Variants in MAGT1 observed in about 807,000 individuals in gnomAD.
MAGT1 encodes dolichyl-diphosphooligosaccharide--protein glycosyltransferase subunit MAGT1.
Under a neutral mutation model 28.4 loss-of-function variants are expected in MAGT1, and 4 were observed. The observed-to-expected ratio is 0.14, with a 90% CI of 0.07 to 0.32. MAGT1 has a LOEUF of 0.32. MAGT1 is among the 10% of genes least tolerant of loss of function. MAGT1 has a pLI of 1.00. For synonymous variants in MAGT1, 89 were observed against 89.7 expected (o/e 0.99, Z 0.04); for missense variants, 193 against 264.5 (o/e 0.73, Z 1.88).
Position 77,841,261 on chromosome X carries a change from T to C in MAGT1, c.886A>G (p.Ile296Val). ...GGTGACTTACTCTTTCGCTTTCCAATATCCATGTCAGAGGTAGCAGCTTCA... is the reference window on the plus strand; with the variant it reads ...GGTGACTTACTCTTTCGCTTTCCAACATCCATGTCAGAGGTAGCAGCTTCA... ...LCEAATSDMDIGKRKIMCVAG... is the reference protein window; with the variant it reads ...LCEAATSDMDVGKRKIMCVAG... Residue 296 changes from isoleucine to valine, a missense_variant, in exon 8 of 10, where the codon ATT becomes GTT. By Grantham distance (29) the Ile-to-Val change is conservative (BLOSUM62 3). Coordinates refer to ENST00000618282, the MANE Select transcript of MAGT1 (RefSeq NM_001367916.1). 1 of 1,204,064 alleles carries C rather than the reference T, an allele frequency of 8.3e-7. No homozygotes were observed. Among genetic ancestry groups the C allele is most frequent in the Non-Finnish European group, 1.1e-6 (1 of 888,685 alleles).
intron 8 of MAGT1, among the ~76,000 whole-genome samples, chrX:77,836,076 T>G (rs979720594): frequency 9.0e-6 from 1 of 111,360 alleles, no homozygotes; most frequent in Admixed American, 9.7e-5. Context: ...AGTGCTGGGA[T>G]TACAGGAGTG....
At chrX:77,891,315 C>CTATCT (rs1557219466) in intron 1 of MAGT1, among the ~76,000 whole-genome samples, 3 of 90,435 alleles carry the variant, frequency 3.3e-5, no homozygotes, top group Non-Finnish European at 4.3e-5. Context: ...TCAGTTCCCT[C>CTATCT]ATCTATCTAT....
intron 8 of MAGT1, among the ~76,000 whole-genome samples, chrX:77,831,844 C>T (rs1315787437): frequency 9.0e-6 from 1 of 111,235 alleles, no homozygotes; most frequent in Non-Finnish European, 1.9e-5. Context: ...TCTTCCGCTT[C>T]AGCCTCCCAA....
intron 1 of MAGT1, among the ~76,000 whole-genome samples, chrX:77,878,469 T>C (rs1330536985): frequency 2.1e-5 from 1 of 48,173 alleles, no homozygotes; most frequent in Non-Finnish European, 4.4e-5. Context: ...TAAGACTCTG[T>C]CTCCAAAAAA....
intron 1 of MAGT1, among the ~76,000 whole-genome samples, chrX:77,879,731 T>C (rs1201184232): frequency 1.8e-5 from 2 of 110,348 alleles, no homozygotes; most frequent in South Asian, 3.8e-4. Context: ...TACATTAACA[T>C]GTAAGAAAGA....
At position 77,842,503 on chromosome X, in the gene MAGT1, C is replaced by A. The variant is rs1391837574; in HGVS notation, c.827-1183G>T. On this transcript the variant is annotated intron_variant, in intron 7 of 9. Coordinates refer to ENST00000618282, the MANE Select transcript of MAGT1 (RefSeq NM_001367916.1). ...CCTTTAAAGCACAAATTACTACTAA[C>A]CTATCTAATTTTATCCTATTCTAAT... Among the ~76,000 whole-genome samples the A allele has an allele frequency of 7.2e-5, 8 of 111,884 alleles. No homozygotes were observed. The East Asian group carries it at 2.2e-3, about 31-fold the overall frequency.
chrX:77,835,416 G>C (rs1329806559), intron 8 of MAGT1, among the ~76,000 whole-genome samples: 2 of 111,424 alleles, frequency 1.8e-5, no homozygotes, highest in Non-Finnish European at 3.8e-5. Flanking sequence ...ATATCCAAAA[G>C]ACAAGCAATA....
chrX:77,852,646 C>T (rs1438387891), intron 7 of MAGT1, among the ~76,000 whole-genome samples: 1 of 110,942 alleles, frequency 9.0e-6, no homozygotes, highest in African/African-American at 3.3e-5. Flanking sequence ...GGCTGGAGTG[C>T]AGTGGTGTGA....
chrX:77,867,290 C>G lies in MAGT1; in HGVS notation c.390+3518G>C, dbSNP rs926599241. Among the ~76,000 whole-genome samples, 5 of 66,397 alleles carry G rather than the reference C, an allele frequency of 7.5e-5. 1 individual carries two copies. The highest frequency in any genetic ancestry group is 1.7e-4 in the African/African-American group (5 of 28,591). 57.7% of individuals were successfully genotyped at this position (66,397 alleles called of 115,157 possible). On this transcript the variant is annotated intron_variant, in intron 3 of 9. Transcript: ENST00000618282. ...TGTGGGTTCCCAGAGCTTGGTGTTC[C>G]TCTCCCATAATGCAGCCCATTGGCC...
rs34302237 is a variant in MAGT1, at chrX:77,841,195, CTT to C, written c.901+49_901+50del. 58 of 937,448 alleles carry C rather than the reference CTT, an allele frequency of 6.2e-5. No individual in the cohort carries two copies. In the South Asian group the frequency reaches 7.6e-4, roughly 12 times the overall value. The allele number at this position is 937,448 out of a possible 1,213,427, so 77.3% of individuals were successfully genotyped here. A position where few individuals can be genotyped will look rare whatever the true frequency, so the allele number is the denominator to read the frequency against. Reference sequence around the variant, plus strand: ...GAGGAAAAGTGATTAAGAGATCACTCTTTTTCCATAGTACAGGCAGCACTGTT... The same window carrying C: ...GAGGAAAAGTGATTAAGAGATCACTCTTTCCATAGTACAGGCAGCACTGTT... On this transcript the variant is annotated intron_variant, in intron 8 of 9. Transcript: ENST00000618282.
chrX:77,847,189 G>A (rs1189815401), intron 7 of MAGT1, among the ~76,000 whole-genome samples: 1 of 112,490 alleles, frequency 8.9e-6, no homozygotes, highest in Non-Finnish European at 1.9e-5. Context: ...AGACTGCTGT[G>A]CTAGCAATGA....
chrX:77,829,605 T>C (rs1383184511), intron 9 of MAGT1, among the ~76,000 whole-genome samples: 2 of 111,212 alleles, frequency 1.8e-5, no homozygotes, highest in African/African-American at 6.5e-5. Flanking sequence ...GACACTGCTA[T>C]TGAATCAACT....
In MAGT1 at chrX:77,830,907, TA is replaced by T; in HGVS notation, c.902-13del. On this transcript the variant is annotated splice_polypyrimidine_tract_variant and intron_variant, in intron 8 of 9. Transcript: ENST00000618282. ...AGCCACACACATTACTGCAGAAAAATAAAAGGAGAGTAAAATGAGCAGGTTG... is the reference window on the plus strand; with the variant it reads ...AGCCACACACATTACTGCAGAAAAATAAAGGAGAGTAAAATGAGCAGGTTG... The T allele has an allele frequency of 9.8e-7, 1 of 1,021,989 alleles. No individual in the cohort carries two copies. The highest frequency in any genetic ancestry group is 2.5e-5 in the South Asian group (1 of 40,202). The allele number at this position is 1,021,989 out of a possible 1,213,427, so 84.2% of individuals were successfully genotyped here. A position where few individuals can be genotyped will look rare whatever the true frequency, so the allele number is the denominator to read the frequency against.
intron 8 of MAGT1, among the ~76,000 whole-genome samples, chrX:77,835,509 C>G (rs1025398856): frequency 9.0e-6 from 1 of 111,405 alleles, no homozygotes; most frequent in Admixed American, 9.6e-5. Context: ...TTAGTATAAC[C>G]ACTAAGAAGA....
At chrX:77,847,254 G>C (rs189114492) in intron 7 of MAGT1, among the ~76,000 whole-genome samples, 1 of 112,683 alleles carries the variant, frequency 8.9e-6, no homozygotes, top group African/African-American at 3.2e-5. Context: ...ATAATCTCCT[G>C]GTGTGCTGTT....
At chrX:77,877,871 A>G (rs2077040184) in intron 1 of MAGT1, among the ~76,000 whole-genome samples, 1 of 103,118 alleles carries the variant, frequency 9.7e-6, no homozygotes, top group African/African-American at 3.4e-5. Context: ...ATAAAATAAA[A>G]TATACTGACA....
chrX:77,835,176 G>A (rs1463525913), intron 8 of MAGT1, among the ~76,000 whole-genome samples: 1 of 109,179 alleles, frequency 9.2e-6, no homozygotes, highest in Non-Finnish European at 1.9e-5. Context: ...TAGCCAGGAT[G>A]GTCTCGATCT....
chrX:77,843,154 G>T (rs2076940595), intron 7 of MAGT1, among the ~76,000 whole-genome samples: 1 of 112,370 alleles, frequency 8.9e-6, no homozygotes, highest in Admixed American at 9.5e-5. Context: ...GTGCCCTTTA[G>T]ATGAGGCCTG....
intron 2 of MAGT1, among the ~76,000 whole-genome samples, chrX:77,873,990 T>G (rs1331631381): frequency 9.2e-6 from 1 of 109,002 alleles, no homozygotes; most frequent in Non-Finnish European, 1.9e-5. Context: ...ATCTTTTTTT[T>G]TTGTTTGTTT....
Sources: gnomAD v4.1 joint callset for allele counts (sites outside exome capture counted in the v4.1 genomes callset) on GRCh38, gnomAD v4.1.1 for gene constraint, MANE v1.5 for transcripts, NCBI Gene and HGNC (gene_info 2026-07-23, HGNC 2026-07-21) for gene names.